ATP13A4: variants seen among roughly 807,000 people sequenced by gnomAD.
The protein encoded by ATP13A4 is probable cation-transporting ATPase 13A4.
Under a neutral mutation model 142.5 loss-of-function variants are expected in ATP13A4, and 114 were observed. The observed-to-expected ratio is 0.80, with a 90% CI of 0.69 to 0.93. The LOEUF is 0.93. Ranked by LOEUF, ATP13A4 falls within the 40% of genes least tolerant of loss-of-function variation. The pLI is 0.00. For synonymous variants in ATP13A4, 488 were observed against 514.8 expected, an observed-to-expected ratio of 0.95 and a Z score of 0.70; for missense variants, 1,392 against 1,454.0, an observed-to-expected ratio of 0.96 and a Z score of 0.69.
intron 9 of ATP13A4, among the ~76,000 whole-genome samples, chr3:193,469,592 C>T (rs1718500024): frequency 6.6e-6 from 1 of 152,208 alleles, no homozygotes; most frequent in Admixed American, 6.5e-5. Flanking sequence ...CAAGCTACTG[C>T]ACTTCAACCT....
At chr3:193,561,674 G>C (rs149935679) in intron 2 of ATP13A4, among the ~76,000 whole-genome samples, 142 of 152,306 alleles carry the variant, frequency 9.3e-4, no homozygotes, top group African/African-American at 3.3e-3. Context: ...CTCCCAGTTA[G>C]TGTGGCATCA....
intron 18 of ATP13A4, 86 bp downstream of exon 18, chr3:193,448,120 T>G: frequency 1.3e-6 from 2 of 1,558,698 alleles, no homozygotes; most frequent in Non-Finnish European, 1.8e-6. Flanking sequence ...CCAGAGTAGG[T>G]AGTCAACAAC....
At chr3:193,586,729 A>C (rs1724679651) in intron 1 of ATP13A4, among the ~76,000 whole-genome samples, 1 of 152,366 alleles carries the variant, frequency 6.6e-6, no homozygotes, top group East Asian at 1.9e-4. Context: ...ATTTGGCCTT[A>C]TGCCAATACC....
In ATP13A4 at chr3:193,467,413, T is replaced by C. The variant is rs757358613; in HGVS notation, c.1017A>G (p.Glu339=). 1.2e-6 allele frequency: 2 copies of C among 1,613,978 alleles called. No individual in the cohort carries two copies. Among genetic ancestry groups the C allele is most frequent in the African/African-American group, 1.3e-5 (1 of 74,918 alleles). ...AGAGGACATGCCGCTTGTAATCCGC[T>C]TCACTCTGTGTTTTCCAGGGCACAG... ...DSSVPWKTQS[E]ADYKRHVLFC... Residue 339 remains glutamate (E), a synonymous_variant, in exon 10 of 30, where the codon GAA becomes GAG. Transcript: ENST00000342695.
At chr3:193,482,306 A>T (rs956061244) in intron 8 of ATP13A4, among the ~76,000 whole-genome samples, 93 of 152,346 alleles carry the variant, frequency 6.1e-4, no homozygotes, top group African/African-American at 2.2e-3. Context: ...ATAGAACTAC[A>T]TGTAAACCCT....
chr3:193,469,386 G>C (rs1368811784), intron 9 of ATP13A4, among the ~76,000 whole-genome samples: 1 of 152,240 alleles, frequency 6.6e-6, no homozygotes, highest in Non-Finnish European at 1.5e-5. Flanking sequence ...AGCACTTTGG[G>C]AGGCCCAGGA....
chr3:193,576,254 T>C, intron 2 of ATP13A4, among the ~76,000 whole-genome samples: 1 of 99,678 alleles, frequency 1.0e-5, no homozygotes, highest in African/African-American at 4.9e-5. Context: ...TCAATCTTTT[T>C]TTTTTTTTTT....
intron 2 of ATP13A4, among the ~76,000 whole-genome samples, chr3:193,573,274 T>TATATATATATATATATATATAC (rs1209937896): frequency 4.8e-5 from 4 of 83,070 alleles, no homozygotes; most frequent in African/African-American, 2.4e-4. Context: ...TATATATATA[T>TATATATATATATATATATATAC]ACATATATAT....
At chr3:193,567,360 C>G (rs1307758875) in intron 2 of ATP13A4, among the ~76,000 whole-genome samples, 2 of 152,094 alleles carry the variant, frequency 1.3e-5, no homozygotes, top group African/African-American at 4.8e-5. Flanking sequence ...CAGTTTTCCA[C>G]AATAAACATG....
chr3:193,403,986 G>C, intron 29 of ATP13A4: 3 of 985,396 alleles, frequency 3.0e-6, no homozygotes, highest in East Asian at 2.3e-4. Context: ...TGAAAGGATA[G>C]AGAACAGCCA....
intron 21 of ATP13A4, chr3:193,440,055 T>C (rs1716532243): frequency 1.2e-5 from 2 of 170,074 alleles, no homozygotes; most frequent in African/African-American, 4.8e-5. Flanking sequence ...TGGAGACCCT[T>C]TGTGTTAGAA....
At position 193,448,308 on chromosome 3, in the gene ATP13A4, T is replaced by C. The variant is rs1717072834; in HGVS notation, c.2050A>G (p.Ile684Val). The C allele has an allele frequency of 6.2e-7, 1 of 1,614,012 alleles. No homozygotes were observed. Among genetic ancestry groups the C allele is most frequent in the Non-Finnish European group, 8.5e-7 (1 of 1,180,024 alleles). The change falls in exon 18 of 30, where the codon ATA becomes GTA. Residue 684 changes from isoleucine to valine, a missense_variant. Physicochemically the swap from Ile to Val is conservative, Grantham distance 29. Coordinates refer to ENST00000342695, the MANE Select transcript of ATP13A4 (RefSeq NM_032279.4). ...LTRETVESDL[I>V]FLGLLILENR... ...TCCAAGATCAGCAGCCCCAGAAATA[T>C]CAGGTCTGATTCTACCGTCTCCCTG...
At chr3:193,537,708 G>A (rs1270082773) in intron 1 of ATP13A4, among the ~76,000 whole-genome samples, 1 of 152,128 alleles carries the variant, frequency 6.6e-6, no homozygotes, top group Non-Finnish European at 1.5e-5. Flanking sequence ...CAGCTGAGAA[G>A]ATGTCCTGCA....
chr3:193,422,363 A>G (rs1715448233), intron 25 of ATP13A4, among the ~76,000 whole-genome samples: 1 of 150,052 alleles, frequency 6.7e-6, no homozygotes, highest in Non-Finnish European at 1.5e-5. Context: ...TGAACTGTAC[A>G]TTAGACAAAA....
intron 16 of ATP13A4, 40 bp from the exon 17 acceptor site, chr3:193,454,252 G>A: frequency 6.8e-7 from 1 of 1,462,070 alleles, no homozygotes; most frequent in African/African-American, 1.4e-5. Flanking sequence ...GCAGTTATTT[G>A]CTTAGGCAGT....
chr3:193,404,133 T>C, intron 29 of ATP13A4: 1 of 985,380 alleles, frequency 1.0e-6, no homozygotes, highest in Non-Finnish European at 1.2e-6. Flanking sequence ...TTTGTCCTCC[T>C]TAATTGACGT....
chr3:193,429,871 G>T (rs144129988), intron 25 of ATP13A4, among the ~76,000 whole-genome samples: 25 of 152,034 alleles, frequency 1.6e-4, no homozygotes, highest in African/African-American at 5.8e-4. Flanking sequence ...ATAGAAAAAA[G>T]ACTGGACAGA....
At chr3:193,563,932 C>T (rs1205115542) in intron 2 of ATP13A4, among the ~76,000 whole-genome samples, 1 of 152,152 alleles carries the variant, frequency 6.6e-6, no homozygotes, top group Non-Finnish European at 1.5e-5. Context: ...GAAAAGTTAC[C>T]TTCTAACACT....
chr3:193,500,268 T>A (rs76771003), intron 3 of ATP13A4, among the ~76,000 whole-genome samples: 1,793 of 152,210 alleles, frequency 0.012, 40 homozygotes, highest in African/African-American at 0.042. Flanking sequence ...TGTAATTTCT[T>A]GTTAGAACAT....
Sources: gnomAD v4.1 joint callset for allele counts (sites outside exome capture counted in the v4.1 genomes callset) on GRCh38, gnomAD v4.1.1 for gene constraint, MANE v1.5 for transcripts, NCBI Gene and HGNC (gene_info 2026-07-23, HGNC 2026-07-21) for gene names.